Variants in NEDD4 observed in about 807,000 individuals in gnomAD.
NEDD4 encodes the protein NEDD4 E3 ubiquitin protein ligase.
NEDD4 carries 99 observed loss-of-function variants against 144.9 expected under a neutral mutation model. The observed-to-expected ratio is 0.68, with a 90% confidence interval of 0.58 to 0.81. NEDD4 has a LOEUF of 0.81. NEDD4 is among the 30% of genes least tolerant of loss of function. NEDD4 has a pLI of 0.00. For missense variants in NEDD4, 985 were observed against 1,065.9 expected (o/e 0.92, Z 1.06); for synonymous variants, 318 against 350.6 (o/e 0.91, Z 1.04).
chr15:55,979,871 A>AT (rs2037770244), intron 1 of NEDD4, among the ~76,000 whole-genome samples: 1 of 151,708 alleles, frequency 6.6e-6, no homozygotes. Flanking sequence ...TAAAACTGAG[A>AT]TTTTGGAAAC....
intron 2 of NEDD4, among the ~76,000 whole-genome samples, chr15:55,962,264 T>C (rs1236539314): frequency 6.6e-6 from 1 of 152,238 alleles, no homozygotes; most frequent in East Asian, 1.9e-4. Context: ...TAGCTATGTC[T>C]TTATATTTTA....
chr15:55,834,433 T>A, intron 24 of NEDD4, 147 bp from the exon 25 acceptor site: 1 of 615,728 alleles, frequency 1.6e-6, no homozygotes, highest in Non-Finnish European at 2.9e-6. Flanking sequence ...GATCTCAATA[T>A]TGGCCAGAAA....
chr15:55,840,763 A>G (rs750134492), intron 19 of NEDD4, 36 bp from the exon 20 acceptor site: 2 of 1,581,400 alleles, frequency 1.3e-6, no homozygotes, highest in Non-Finnish European at 8.6e-7. Context: ...CTTCATTTGA[A>G]AAACTTTAAT....
chr15:55,895,842 G>A (rs954821084), intron 5 of NEDD4, among the ~76,000 whole-genome samples: 1 of 152,172 alleles, frequency 6.6e-6, no homozygotes, highest in African/African-American at 2.4e-5. Context: ...GATACATTTG[G>A]TTAAACCAAG....
chr15:55,926,143 T>C (rs1231176203), intron 4 of NEDD4, among the ~76,000 whole-genome samples: 3 of 152,170 alleles, frequency 2.0e-5, no homozygotes, highest in African/African-American at 7.2e-5. Context: ...ATAAAGATAT[T>C]GAATACTCTG....
chr15:55,973,392 C>A (rs1052491671), intron 1 of NEDD4, among the ~76,000 whole-genome samples: 8 of 149,068 alleles, frequency 5.4e-5, no homozygotes, highest in Admixed American at 2.7e-4. Flanking sequence ...AACAAAAAAA[C>A]AACAACAAAA....
chr15:55,919,614 A>C (rs572874483), intron 5 of NEDD4, among the ~76,000 whole-genome samples: 8 of 152,220 alleles, frequency 5.3e-5, no homozygotes, highest in Non-Finnish European at 8.8e-5. Context: ...AGGAGTGTTA[A>C]TCCTAACCTT....
At chr15:55,870,887 G>C (rs2034768825) in intron 7 of NEDD4, among the ~76,000 whole-genome samples, 1 of 152,094 alleles carries the variant, frequency 6.6e-6, no homozygotes, top group Non-Finnish European at 1.5e-5. Flanking sequence ...ATTTACTTAA[G>C]AAATCCTTAC....
intron 21 of NEDD4, among the ~76,000 whole-genome samples, chr15:55,840,000 ATATATATATAT>A (rs1275859355): frequency 0.014 from 192 of 13,356 alleles, 1 homozygote; most frequent in South Asian, 0.021. Context: ...AAAAAAAAAA[ATATATATATAT>A]ATATATATAT....
intron 11 of NEDD4, among the ~76,000 whole-genome samples, chr15:55,856,852 AG>A (rs1311375864): frequency 6.6e-6 from 1 of 152,152 alleles, no homozygotes; most frequent in Admixed American, 6.6e-5. Flanking sequence ...GAAATATCTT[AG>A]TTTTGTTATT....
At chr15:55,979,012 C>A (rs936235487) in intron 1 of NEDD4, among the ~76,000 whole-genome samples, 3 of 150,312 alleles carry the variant, frequency 2.0e-5, no homozygotes, top group African/African-American at 7.3e-5. Flanking sequence ...TTTTGTTATT[C>A]TTCATCCTTC....
intron 5 of NEDD4, among the ~76,000 whole-genome samples, chr15:55,904,147 A>G (rs1158597389): frequency 1.3e-5 from 2 of 152,092 alleles, no homozygotes; most frequent in African/African-American, 4.8e-5. Flanking sequence ...CAAGAGCAAG[A>G]CTGCATCTCA....
chr15:55,873,143 C>T (rs540242771), intron 6 of NEDD4, among the ~76,000 whole-genome samples: 1 of 152,116 alleles, frequency 6.6e-6, no homozygotes, highest in South Asian at 2.1e-4. Flanking sequence ...CCTGTTTCCC[C>T]TTGTCTGTCT....
intron 5 of NEDD4, chr15:55,916,217 G>C (rs939106380): frequency 1.9e-6 from 3 of 1,614,016 alleles, no homozygotes; most frequent in Non-Finnish European, 2.5e-6. Context: ...CAGAAGGTAA[G>C]TTTCCACCCA....
At chr15:55,904,797 G>C (rs2036032122) in intron 5 of NEDD4, among the ~76,000 whole-genome samples, 1 of 152,072 alleles carries the variant, frequency 6.6e-6, no homozygotes, top group Non-Finnish European at 1.5e-5. Flanking sequence ...AGGTATGTCA[G>C]ACCAGAGGTA....
Position 55,924,662 on chromosome 15 carries a change from A to G in NEDD4, c.275T>C (p.Phe92Ser). The change falls in exon 5 of 29, where the codon TTT becomes TCT. Residue 92 changes from phenylalanine to serine, a missense_variant. Phe to Ser is a radical substitution (Grantham distance 155). Coordinates refer to ENST00000435532, the MANE Select transcript of NEDD4 (RefSeq NM_006154.4). ...PQQHRLLFEV[F>S]DENRLTRDDF... ...ATAACTTACCAATCGGTTTTCGTCA[A>G]ACACTTCAAAAAGAAGCCGGTGCTG... 2.5e-6 allele frequency: 4 copies of G among 1,610,190 alleles called. No individual in the cohort carries two copies. The highest frequency in any genetic ancestry group is 3.4e-6 in the Non-Finnish European group (4 of 1,178,206).
chr15:55,966,477 C>T lies in NEDD4; in HGVS notation c.115G>A (p.Ala39Thr), dbSNP rs1377576422. ...IGLAKKDILG[A>T]SDPYVRVTLY... ...AATCCAAATAGATATACTTACCTAG[C>T]TCCCAATATATCCTTCTTGGCAAGG... Residue 39 changes from alanine (A) to threonine (T), a missense_variant, in exon 2 of 29, where the codon GCT becomes ACT. Coordinates refer to ENST00000435532, the MANE Select transcript of NEDD4 (RefSeq NM_006154.4). 2.0e-6 allele frequency: 3 copies of T among 1,514,578 alleles called. No individual in the cohort carries two copies. Among genetic ancestry groups the T allele is most frequent in the East Asian group, 2.5e-5 (1 of 40,462 alleles). The allele number at this position is 1,514,578 out of a possible 1,614,324, so 93.8% of individuals were successfully genotyped here. A position where few individuals can be genotyped will look rare whatever the true frequency, so the allele number is the denominator to read the frequency against.
chr15:55,932,790 C>T (rs1278296937), intron 4 of NEDD4, among the ~76,000 whole-genome samples: 1 of 150,974 alleles, frequency 6.6e-6, no homozygotes, highest in Non-Finnish European at 1.5e-5. Context: ...GGCTAATATC[C>T]AAAATCTACA....
intron 1 of NEDD4, among the ~76,000 whole-genome samples, chr15:55,968,662 G>T (rs1272654886): frequency 6.6e-6 from 1 of 152,180 alleles, no homozygotes; most frequent in Non-Finnish European, 1.5e-5. Context: ...AGCAGAAAGA[G>T]TTCTAAATGC....
Sources: gnomAD v4.1 joint callset for allele counts (sites outside exome capture counted in the v4.1 genomes callset) on GRCh38, gnomAD v4.1.1 for gene constraint, MANE v1.5 for transcripts, NCBI Gene and HGNC (gene_info 2026-07-23, HGNC 2026-07-21) for gene names.